LDB2: variants seen among roughly 807,000 people sequenced by gnomAD.
LDB2 encodes the protein LIM domain binding 2, also known as LIM domain-binding protein 2.
A neutral mutation model predicts 44.3 loss-of-function variants in LDB2; 12 were observed. That is an observed-to-expected ratio of 0.27 (90% CI 0.17 to 0.44). The LOEUF (loss-of-function observed/expected upper bound fraction) is 0.44, where lower values mean the gene tolerates loss of function less well. Among genes scored for constraint, LDB2 ranks in the 20% least tolerant of loss-of-function variants. The pLI is 1.00. For missense variants in LDB2, 344 were observed against 473.5 expected, an observed-to-expected ratio of 0.73 and a Z score of 2.54; for synonymous variants, 164 against 174.8, an observed-to-expected ratio of 0.94 and a Z score of 0.49.
intron 2 of LDB2, among the ~76,000 whole-genome samples, chr4:16,628,505 G>A (rs1033204203): frequency 8.6e-5 from 13 of 152,002 alleles, no homozygotes; most frequent in Admixed American, 1.3e-4. Flanking sequence ...GGTAACTTTT[G>A]GGAAAGACCC....
At chr4:16,531,453 CAT>C (rs1429454733) in intron 5 of LDB2, among the ~76,000 whole-genome samples, 6 of 152,224 alleles carry the variant, frequency 3.9e-5, no homozygotes, top group African/African-American at 1.4e-4. Flanking sequence ...AGGCAAACAA[CAT>C]ATTATTCAGG....
At chr4:16,538,243 G>T (rs1410224996) in intron 5 of LDB2, among the ~76,000 whole-genome samples, 1 of 152,182 alleles carries the variant, frequency 6.6e-6, no homozygotes, top group African/African-American at 2.4e-5. Flanking sequence ...GCCCTGTTTT[G>T]CTTCCTCCTG....
intron 2 of LDB2, among the ~76,000 whole-genome samples, chr4:16,719,105 T>C (rs552353879): frequency 1.9e-4 from 29 of 152,196 alleles, no homozygotes; most frequent in Non-Finnish European, 3.4e-4. Context: ...ACCTATTTTC[T>C]ACTCAGTGGA....
chr4:16,867,515 T>C (rs1420700028), intron 1 of LDB2, among the ~76,000 whole-genome samples: 1 of 152,056 alleles, frequency 6.6e-6, no homozygotes, highest in Admixed American at 6.6e-5. Context: ...TTCATGCCAA[T>C]AGAAAACAGG....
At chr4:16,673,158 G>A (rs1034630504) in intron 2 of LDB2, among the ~76,000 whole-genome samples, 3 of 152,136 alleles carry the variant, frequency 2.0e-5, no homozygotes, top group Non-Finnish European at 4.4e-5. Flanking sequence ...TTCAGGGAAA[G>A]GGGCATGAAT....
At chr4:16,555,293 T>C (rs1739154788) in intron 5 of LDB2, among the ~76,000 whole-genome samples, 1 of 152,166 alleles carries the variant, frequency 6.6e-6, no homozygotes, top group African/African-American at 2.4e-5. Context: ...AATACAAGTT[T>C]ATAAGAGGTG....
chr4:16,584,623 A>T (rs1193377322), intron 5 of LDB2, among the ~76,000 whole-genome samples: 1 of 152,196 alleles, frequency 6.6e-6, no homozygotes, highest in Non-Finnish European at 1.5e-5. Context: ...GGTAACCTCG[A>T]AACACTACTC....
chr4:16,761,122 A>G (rs962629506), intron 1 of LDB2, among the ~76,000 whole-genome samples: 3 of 152,090 alleles, frequency 2.0e-5, no homozygotes, highest in African/African-American at 7.2e-5. Flanking sequence ...GATATTACTC[A>G]TAAAAGCAGC....
intron 2 of LDB2, among the ~76,000 whole-genome samples, chr4:16,658,318 G>A (rs1740495143): frequency 6.6e-6 from 1 of 152,154 alleles, no homozygotes; most frequent in Admixed American, 6.5e-5. Flanking sequence ...TGAATTCCTT[G>A]AAGGCAGGTC....
chr4:16,680,457 T>C (rs1395261230), intron 2 of LDB2, among the ~76,000 whole-genome samples: 24 of 152,214 alleles, frequency 1.6e-4, no homozygotes, highest in Admixed American at 1.6e-3. Flanking sequence ...ATGTGAGCTA[T>C]TAATAGTAAA....
chr4:16,898,541 G>T lies in LDB2; in HGVS notation c.-56C>A. ...AGAGTATCAGTAACGTCCATGCAGAGCACATGGGCTGTGTTCTTCCCAGTA... is the reference window on the plus strand; with the variant it reads ...AGAGTATCAGTAACGTCCATGCAGATCACATGGGCTGTGTTCTTCCCAGTA... On this transcript the variant is annotated 5_prime_UTR_variant, in exon 1 of 8. It introduces an in-frame stop codon into an upstream open reading frame of the 5' UTR. Coordinates refer to ENST00000304523, the MANE Select transcript of LDB2 (RefSeq NM_001290.5). 1 of 1,587,306 alleles carries T rather than the reference G, an allele frequency of 6.3e-7. No homozygotes were observed. Among genetic ancestry groups the T allele is most frequent in the Non-Finnish European group, 8.6e-7 (1 of 1,159,760 alleles).
chr4:16,749,862 C>T (rs192754265), intron 2 of LDB2, among the ~76,000 whole-genome samples: 12 of 152,152 alleles, frequency 7.9e-5, no homozygotes, highest in South Asian at 4.1e-4. Context: ...TGTGGTAGAG[C>T]GTTTTCTCTC....
chr4:16,633,548 C>T (rs922921607), intron 2 of LDB2, among the ~76,000 whole-genome samples: 14 of 152,118 alleles, frequency 9.2e-5, no homozygotes, highest in Non-Finnish European at 2.1e-4. Context: ...AGGAATACAA[C>T]TTACAAGTGA....
intron 2 of LDB2, among the ~76,000 whole-genome samples, chr4:16,636,993 C>T (rs1733780073): frequency 1.3e-5 from 2 of 152,166 alleles, no homozygotes; most frequent in Non-Finnish European, 1.5e-5. Flanking sequence ...GTTGGATCTG[C>T]CTTCATTGAA....
intron 2 of LDB2, among the ~76,000 whole-genome samples, chr4:16,726,064 A>G (rs1579099027): frequency 6.6e-6 from 1 of 151,448 alleles, no homozygotes; most frequent in East Asian, 1.9e-4. Context: ...TACATTTCAT[A>G]TAAAATTTTT....
chr4:16,896,492 C>G (rs1419990975), intron 1 of LDB2, among the ~76,000 whole-genome samples: 1 of 152,008 alleles, frequency 6.6e-6, no homozygotes, highest in Non-Finnish European at 1.5e-5. Context: ...CAGTAATGGG[C>G]AGGAGGGCAG....
intron 5 of LDB2, among the ~76,000 whole-genome samples, chr4:16,579,889 G>A (rs189235608): frequency 3.3e-5 from 5 of 152,292 alleles, no homozygotes; most frequent in Admixed American, 6.5e-5. Context: ...GGAGACAAAC[G>A]AGTGGGGAGA....
intron 2 of LDB2, among the ~76,000 whole-genome samples, chr4:16,726,065 T>A (rs1759390354): frequency 6.6e-6 from 1 of 151,500 alleles, no homozygotes; most frequent in Non-Finnish European, 1.5e-5. Flanking sequence ...ACATTTCATA[T>A]AAAATTTTTA....
At chr4:16,885,173 A>AC (rs1721300504) in intron 1 of LDB2, among the ~76,000 whole-genome samples, 1 of 151,628 alleles carries the variant, frequency 6.6e-6, no homozygotes, top group African/African-American at 2.4e-5. Context: ...AAAAAAAAAA[A>AC]AAAACTTTTT....
Sources: gnomAD v4.1 joint callset for allele counts (sites outside exome capture counted in the v4.1 genomes callset) on GRCh38, gnomAD v4.1.1 for gene constraint, MANE v1.5 for transcripts, NCBI Gene and HGNC (gene_info 2026-07-23, HGNC 2026-07-21) for gene names.